The following PRICKLE1 variants were observed in gnomAD, a reference collection of about 807,000 sequenced individuals.
PRICKLE1 encodes prickle-like protein 1.
PRICKLE1 carries 14 observed loss-of-function variants against 70.2 expected under a neutral mutation model. The ratio of observed to expected loss-of-function variants is 0.20; its 90% CI spans 0.13 to 0.31. The LOEUF is 0.31. Among genes scored for constraint, PRICKLE1 ranks in the 10% least tolerant of loss-of-function variants. PRICKLE1 has a pLI of 1.00. For missense variants in PRICKLE1, 821 were observed against 1,026.2 expected, an observed-to-expected ratio of 0.80 and a Z score of 2.73; for synonymous variants, 357 against 379.9, an observed-to-expected ratio of 0.94 and a Z score of 0.70.
At chr12:42,468,516 A>T in intron 5 of PRICKLE1, 110 bp downstream of exon 5, 1 of 954,672 alleles carries the variant, frequency 1.0e-6, no homozygotes, top group Non-Finnish European at 1.7e-6. Flanking sequence ...TAAAACATGC[A>T]CACAGAACAA....
At chr12:42,570,227 TTAAG>T (rs1263139535) in intron 1 of PRICKLE1, among the ~76,000 whole-genome samples, 1 of 152,222 alleles carries the variant, frequency 6.6e-6, no homozygotes, top group Non-Finnish European at 1.5e-5. Flanking sequence ...TACTCCATGC[TTAAG>T]TAACTACCTT....
At chr12:42,495,030 G>A (rs1382958069) in intron 1 of PRICKLE1, among the ~76,000 whole-genome samples, 1 of 150,792 alleles carries the variant, frequency 6.6e-6, no homozygotes, top group African/African-American at 2.4e-5. Context: ...AAGTAGCTAG[G>A]ACTATAGGCA....
At chr12:42,510,626 A>T (rs1464531739) in intron 1 of PRICKLE1, among the ~76,000 whole-genome samples, 1 of 151,970 alleles carries the variant, frequency 6.6e-6, no homozygotes, top group Non-Finnish European at 1.5e-5. Flanking sequence ...TTTGTATTTT[A>T]TTCCTGGTAT....
chr12:42,506,911 C>T (rs1350991611), intron 1 of PRICKLE1, among the ~76,000 whole-genome samples: 1 of 152,008 alleles, frequency 6.6e-6, no homozygotes, highest in Admixed American at 6.6e-5. Context: ...TTTTGAGCCA[C>T]AAAACCTTTG....
At chr12:42,520,896 C>T (rs143958158) in intron 1 of PRICKLE1, among the ~76,000 whole-genome samples, 433 of 152,246 alleles carry the variant, frequency 2.8e-3, no homozygotes, top group African/African-American at 9.7e-3. Flanking sequence ...CTTAGCCAGG[C>T]GTGGTGGCTC....
At chr12:42,505,150 A>G (rs1939386941) in intron 1 of PRICKLE1, among the ~76,000 whole-genome samples, 1 of 151,952 alleles carries the variant, frequency 6.6e-6, no homozygotes. Flanking sequence ...AAAAACAAAA[A>G]ACAAAAAACA....
In PRICKLE1 at chr12:42,460,208, G is replaced by A; in HGVS notation, c.2097C>T (p.Asp699=). The A allele has an allele frequency of 6.2e-7, 1 of 1,614,118 alleles. No individual in the cohort carries two copies. ...TATCGGGGGTGTACAGCCGCAGTCT[G>A]TCCTTGGGAGAGTATTTTCTTTCTG... ...LVTERKYSPK[D]RLRLYTPDNY... Residue 699 remains aspartate, a synonymous_variant, in exon 8 of 8, where the codon GAC becomes GAT. Coordinates refer to ENST00000345127, the MANE Select transcript of PRICKLE1 (RefSeq NM_153026.3).
intron 1 of PRICKLE1, among the ~76,000 whole-genome samples, chr12:42,556,566 T>C (rs958702001): frequency 2.0e-5 from 3 of 152,200 alleles, no homozygotes; most frequent in African/African-American, 4.8e-5. Flanking sequence ...GCTCCAGGCC[T>C]GTGCTCTTGG....
intron 1 of PRICKLE1, among the ~76,000 whole-genome samples, chr12:42,582,255 C>T (rs146266032): frequency 2.0e-5 from 3 of 152,264 alleles, no homozygotes; most frequent in East Asian, 3.9e-4. Context: ...AAGGCTAAAG[C>T]AATTCAGAAC....
At chr12:42,533,606 T>C (rs1939964026) in intron 1 of PRICKLE1, among the ~76,000 whole-genome samples, 1 of 152,086 alleles carries the variant, frequency 6.6e-6, no homozygotes, top group Non-Finnish European at 1.5e-5. Flanking sequence ...ATTTATAAAG[T>C]TGCCAAAGTG....
intron 1 of PRICKLE1, among the ~76,000 whole-genome samples, chr12:42,565,585 A>G (rs1001048254): frequency 9.2e-5 from 14 of 152,326 alleles, no homozygotes; most frequent in African/African-American, 3.4e-4. Context: ...AACTGTTTCT[A>G]TGGGTTCACT....
At chr12:42,578,467 C>T (rs1215471808) in intron 1 of PRICKLE1, among the ~76,000 whole-genome samples, 2 of 152,004 alleles carry the variant, frequency 1.3e-5, no homozygotes, top group Non-Finnish European at 2.9e-5. Flanking sequence ...ATTCAATCTT[C>T]TATTAATATA....
In PRICKLE1 at chr12:42,460,060, T is replaced by G. The variant is rs1937748497; in HGVS notation, c.2245A>C (p.Asn749His). ...TCGCCGTAGAGTCCCAGAAACCGAT[T>G]CATTCCTGGGTTCTGCAGGCCATAA... Reference protein sequence around the residue: ...SDYGLQNPGMNRFLGLYGEDD... With the variant: ...SDYGLQNPGMHRFLGLYGEDD... The change falls in exon 8 of 8, where the codon AAT (asparagine) becomes CAT (histidine). Residue 749 changes from asparagine (N) to histidine (H), a missense_variant. By Grantham distance (68) the Asn-to-His change is moderately conservative (BLOSUM62 1). Transcript: ENST00000345127. 3.1e-6 allele frequency: 5 copies of G among 1,614,100 alleles called. No individual in the cohort carries two copies. In the African/African-American group the frequency reaches 5.3e-5, roughly 17 times the overall value.
chr12:42,473,784 A>G (rs1195845896), intron 1 of PRICKLE1, among the ~76,000 whole-genome samples: 1 of 152,152 alleles, frequency 6.6e-6, no homozygotes, highest in Non-Finnish European at 1.5e-5. Flanking sequence ...CAGACTTCCA[A>G]AAATTCTTCT....
intron 1 of PRICKLE1, among the ~76,000 whole-genome samples, chr12:42,545,886 A>AT (rs1940200876): frequency 6.6e-6 from 1 of 150,530 alleles, no homozygotes; most frequent in East Asian, 1.9e-4. Context: ...ATGGAAGGAA[A>AT]AATATATCCA....
At chr12:42,539,496 G>A (rs1408985420) in intron 1 of PRICKLE1, among the ~76,000 whole-genome samples, 1 of 151,286 alleles carries the variant, frequency 6.6e-6, no homozygotes, top group African/African-American at 2.4e-5. Context: ...AATACAACCA[G>A]AAACTTTATC....
intron 1 of PRICKLE1, among the ~76,000 whole-genome samples, chr12:42,521,929 GGTGTGTGT>G (rs72169209): frequency 0.019 from 2,609 of 139,854 alleles, 88 homozygotes; most frequent in African/African-American, 0.062. Flanking sequence ...GTTTGTTTTT[GGTGTGTGT>G]GTGTGTGTGT....
Position 42,494,352 on chromosome 12 carries a change from T to G in PRICKLE1, c.-48-21788A>C, listed in dbSNP as rs1013200351. 7.2e-5 allele frequency among the ~76,000 whole-genome samples: 11 copies of G among 152,212 alleles called. 1 individual carries two copies. Among genetic ancestry groups the G allele is most frequent in the Admixed American group, 5.9e-4 (9 of 15,286 alleles). ...GTAGCATTTTACCCGCAGTAGAATT[T>G]CTTTCAAAATTGGAGTCAATCCTCC... is the stretch of plus-strand genomic sequence containing the variant. On this transcript the variant is annotated intron_variant, in intron 1 of 7. Coordinates refer to ENST00000345127, the MANE Select transcript of PRICKLE1 (RefSeq NM_153026.3).
rs1458681990 is a variant in PRICKLE1, at chr12:42,543,913, T to C, written c.-49+45552A>G. Among the ~76,000 whole-genome samples, 3 of 152,240 alleles carry C rather than the reference T, an allele frequency of 2.0e-5. No individual in the cohort carries two copies. In the East Asian group the frequency reaches 5.8e-4, roughly 29 times the overall value. On this transcript the variant is annotated intron_variant, in intron 1 of 7. Transcript: ENST00000345127. ...TAACACATATTTTGTATAAGTATTA[T>C]ATACTGTATTTTTACAATAAAGTAA...
Sources: gnomAD v4.1 joint callset for allele counts (sites outside exome capture counted in the v4.1 genomes callset) on GRCh38, gnomAD v4.1.1 for gene constraint, MANE v1.5 for transcripts, NCBI Gene and HGNC (gene_info 2026-07-23, HGNC 2026-07-21) for gene names.